Variants in FSTL5 observed in about 807,000 individuals in gnomAD.
The protein encoded by FSTL5 is follistatin-related protein 5.
Under a neutral mutation model 89.1 loss-of-function variants are expected in FSTL5, and 62 were observed. The observed-to-expected ratio is 0.70, with a 90% confidence interval of 0.57 to 0.86. The LOEUF (loss-of-function observed/expected upper bound fraction) is 0.86, where lower values mean the gene tolerates loss of function less well. FSTL5 is among the 40% of genes least tolerant of loss of function. The probability of loss-of-function intolerance (pLI) is 0.00; values close to 1 mark genes in which losing one functional copy is unlikely to be tolerated. For missense variants in FSTL5, 1,057 were observed against 1,001.6 expected (o/e 1.06, Z -0.75); for synonymous variants, 383 against 346.2 (o/e 1.11, Z -1.18).
At chr4:161,527,823 C>G (rs2126525694) in intron 10 of FSTL5, among the ~76,000 whole-genome samples, 1 of 151,484 alleles carries the variant, frequency 6.6e-6, no homozygotes, top group East Asian at 2.0e-4. Context: ...ATAAATCATG[C>G]TGCTATAAAG....
chr4:161,972,540 G>T (rs568434909), intron 3 of FSTL5, among the ~76,000 whole-genome samples: 3 of 152,122 alleles, frequency 2.0e-5, no homozygotes, highest in African/African-American at 7.2e-5. Context: ...GGATGCCTTT[G>T]GCCAACAGCC....
At chr4:161,992,330 G>A (rs1736135754) in intron 3 of FSTL5, among the ~76,000 whole-genome samples, 1 of 152,142 alleles carries the variant, frequency 6.6e-6, no homozygotes, top group African/African-American at 2.4e-5. Flanking sequence ...AACAAAAGCA[G>A]TAGAAGCAGA....
chr4:161,814,989 T>C (rs1730280073), intron 4 of FSTL5, among the ~76,000 whole-genome samples: 1 of 152,068 alleles, frequency 6.6e-6, no homozygotes, highest in Non-Finnish European at 1.5e-5. Flanking sequence ...AATTTTATAT[T>C]TTAAATTTAA....
At chr4:161,446,309 T>C (rs538119648) in intron 15 of FSTL5, among the ~76,000 whole-genome samples, 15 of 152,120 alleles carry the variant, frequency 9.9e-5, no homozygotes, top group African/African-American at 3.4e-4. Flanking sequence ...TCACAGAAAA[T>C]TTCCAAAATG....
chr4:162,152,755 C>A (rs1733278233), intron 1 of FSTL5, among the ~76,000 whole-genome samples: 1 of 151,846 alleles, frequency 6.6e-6, no homozygotes, highest in Non-Finnish European at 1.5e-5. Context: ...ATGTGAAGTT[C>A]TGAACAAACA....
At chr4:161,849,071 T>C (rs1208888728) in intron 4 of FSTL5, among the ~76,000 whole-genome samples, 3 of 152,192 alleles carry the variant, frequency 2.0e-5, no homozygotes, top group Non-Finnish European at 4.4e-5. Context: ...AATCATTTAC[T>C]TTACTGAACA....
chr4:161,883,441 T>C (rs1732699610), intron 4 of FSTL5, among the ~76,000 whole-genome samples: 1 of 152,218 alleles, frequency 6.6e-6, no homozygotes, highest in African/African-American at 2.4e-5. Flanking sequence ...AACTCTGTCA[T>C]TACTGTCAAT....
intron 3 of FSTL5, among the ~76,000 whole-genome samples, chr4:161,924,862 C>A (rs1449152165): frequency 1.3e-5 from 2 of 151,638 alleles, no homozygotes; most frequent in Non-Finnish European, 2.9e-5. Flanking sequence ...GTATTTAAAG[C>A]GTCAAGTTAT....
chr4:161,856,156 T>C (rs955875396), intron 4 of FSTL5, among the ~76,000 whole-genome samples: 1 of 152,102 alleles, frequency 6.6e-6, no homozygotes, highest in Non-Finnish European at 1.5e-5. Flanking sequence ...ACAGTGATCT[T>C]AGTTCAATTT....
At chr4:161,986,777 G>T (rs1471617464) in intron 3 of FSTL5, among the ~76,000 whole-genome samples, 1 of 152,130 alleles carries the variant, frequency 6.6e-6, no homozygotes, top group African/African-American at 2.4e-5. Flanking sequence ...AGGAAAGCGG[G>T]TGGCACAGAT....
chr4:161,650,670 T>C (rs567076229), intron 7 of FSTL5, among the ~76,000 whole-genome samples: 1 of 152,274 alleles, frequency 6.6e-6, no homozygotes, highest in Non-Finnish European at 1.5e-5. Flanking sequence ...ACCTCCTTAT[T>C]ACAAATGAAG....
At chr4:162,026,745 T>A (rs1028157321) in intron 3 of FSTL5, among the ~76,000 whole-genome samples, 6 of 152,202 alleles carry the variant, frequency 3.9e-5, no homozygotes, top group Non-Finnish European at 8.8e-5. Flanking sequence ...AATAAAAGCC[T>A]ACTTAAGCAT....
intron 6 of FSTL5, among the ~76,000 whole-genome samples, chr4:161,682,235 G>A (rs1737549344): frequency 1.3e-5 from 2 of 152,152 alleles, no homozygotes; most frequent in African/African-American, 4.8e-5. Flanking sequence ...GAGTGTATGT[G>A]AAGGCCTAGG....
chr4:161,562,604 G>T (rs775669813), intron 8 of FSTL5, among the ~76,000 whole-genome samples: 65 of 129,904 alleles, frequency 5.0e-4, no homozygotes, highest in Admixed American at 2.9e-3. Flanking sequence ...AATATAAATG[G>T]TTTTTTTTCC....
At chr4:162,032,049 T>C (rs990199354) in intron 3 of FSTL5, among the ~76,000 whole-genome samples, 2 of 152,154 alleles carry the variant, frequency 1.3e-5, no homozygotes, top group South Asian at 2.1e-4. Flanking sequence ...GAAATTGTTA[T>C]TGCATTATAA....
intron 4 of FSTL5, among the ~76,000 whole-genome samples, chr4:161,907,279 A>C (rs1186646882): frequency 6.6e-6 from 1 of 152,132 alleles, no homozygotes; most frequent in East Asian, 1.9e-4. Flanking sequence ...AGTGCAATTG[A>C]TATGGGTCTA....
At chr4:161,858,344 G>C (rs1731786556) in intron 4 of FSTL5, among the ~76,000 whole-genome samples, 1 of 152,152 alleles carries the variant, frequency 6.6e-6, no homozygotes, top group Admixed American at 6.5e-5. Flanking sequence ...AGCCTGAATA[G>C]ATTAAGACAT....
At position 161,859,792 on chromosome 4, in the gene FSTL5, C is replaced by T. The variant is rs367723008; in HGVS notation, c.409+60612G>A. On this transcript the variant is annotated intron_variant, in intron 4 of 15. Transcript: ENST00000306100. ...ACCACGGATTAAGTGCTATTATGTT[C>T]ATGTGCAGAGGGCTGCTGGAGTGTG... Among the ~76,000 whole-genome samples, 6 of 152,184 alleles carry T rather than the reference C, an allele frequency of 3.9e-5. No homozygotes were observed. The South Asian group carries it at 6.2e-4, about 16-fold the overall frequency.
chr4:161,987,381 G>A (rs1268565348), intron 3 of FSTL5, among the ~76,000 whole-genome samples: 1 of 150,712 alleles, frequency 6.6e-6, no homozygotes, highest in Non-Finnish European at 1.5e-5. Context: ...AGATATTTTA[G>A]AATGGCGGGG....
Sources: allele counts gnomAD v4.1 joint callset (sites outside exome capture counted in the v4.1 genomes callset), GRCh38; gene constraint gnomAD v4.1.1; transcripts MANE v1.5; gene names NCBI Gene and HGNC (gene_info 2026-07-23, HGNC 2026-07-21).